Variants in CCDC60 observed in about 807,000 individuals in gnomAD.
The protein encoded by CCDC60 is coiled-coil domain-containing protein 60.
Under a neutral mutation model 63.5 loss-of-function variants are expected in CCDC60, and 54 were observed. That is an observed-to-expected ratio of 0.85 (90% confidence interval 0.68 to 1.07). The LOEUF is 1.07. CCDC60 is among the 50% of genes least tolerant of loss of function. The pLI, the probability that CCDC60 is intolerant of heterozygous loss-of-function variation, is 0.00. For synonymous variants in CCDC60, 206 were observed against 238.8 expected (o/e 0.86, Z 1.27); for missense variants, 651 against 684.3 (o/e 0.95, Z 0.54).
chr12:119,509,061 C>G (rs1360101785), intron 7 of CCDC60, among the ~76,000 whole-genome samples: 1 of 151,988 alleles, frequency 6.6e-6, no homozygotes, highest in Non-Finnish European at 1.5e-5. Flanking sequence ...AGGCATGTCC[C>G]CAGTGGCCAC....
At chr12:119,397,497 C>T (rs2136212311) in intron 1 of CCDC60, among the ~76,000 whole-genome samples, 1 of 151,812 alleles carries the variant, frequency 6.6e-6, no homozygotes, top group East Asian at 2.0e-4. Flanking sequence ...AAAAGTTCTC[C>T]AAGTCCTCAC....
At chr12:119,440,144 G>C (rs1007123834) in intron 2 of CCDC60, among the ~76,000 whole-genome samples, 39 of 152,212 alleles carry the variant, frequency 2.6e-4, no homozygotes, top group Admixed American at 2.2e-3. Flanking sequence ...CAGGTTGATA[G>C]GTGCAGCAAA....
chr12:119,384,551 C>A (rs1406690043), intron 1 of CCDC60, among the ~76,000 whole-genome samples: 1 of 152,212 alleles, frequency 6.6e-6, no homozygotes, highest in Non-Finnish European at 1.5e-5. Context: ...CATCACAGTT[C>A]AGGGAGCCGG....
intron 2 of CCDC60, among the ~76,000 whole-genome samples, chr12:119,466,243 T>G (rs1383537196): frequency 6.6e-6 from 1 of 152,188 alleles, no homozygotes; most frequent in Admixed American, 6.5e-5. Context: ...TCCATAGCAG[T>G]TGGCACTTTG....
chr12:119,523,296 T>C (rs1449580805), intron 10 of CCDC60, among the ~76,000 whole-genome samples: 2 of 152,218 alleles, frequency 1.3e-5, no homozygotes, highest in Non-Finnish European at 2.9e-5. Context: ...GACTAACCCA[T>C]CTTACAAAGG....
chr12:119,511,815 G>A (rs190064503), intron 7 of CCDC60, among the ~76,000 whole-genome samples: 1 of 152,308 alleles, frequency 6.6e-6, no homozygotes, highest in Non-Finnish European at 1.5e-5. Flanking sequence ...AGGAGTGGTA[G>A]AGCAGTCAGA....
intron 1 of CCDC60, among the ~76,000 whole-genome samples, chr12:119,354,010 C>T (rs1028637158): frequency 1.3e-5 from 2 of 151,752 alleles, no homozygotes; most frequent in African/African-American, 4.8e-5. Context: ...GTCTTTCTCA[C>T]TCTCTCTCAC....
At chr12:119,406,192 G>T (rs11064780) in intron 1 of CCDC60, among the ~76,000 whole-genome samples, 21,335 of 142,732 alleles carry the variant, frequency 0.15, 1,858 homozygotes, top group South Asian at 0.32. Context: ...TATATATATA[G>T]ATATATATAT....
chr12:119,526,744 T>G (rs1176332739), intron 11 of CCDC60, among the ~76,000 whole-genome samples: 1 of 152,112 alleles, frequency 6.6e-6, no homozygotes, highest in Non-Finnish European at 1.5e-5. Context: ...TGACTATTAT[T>G]AAAAAGTCAA....
At chr12:119,482,041 G>GTA (rs200469317) in intron 4 of CCDC60, among the ~76,000 whole-genome samples, 1,158 of 104,326 alleles carry the variant, frequency 0.011, 16 homozygotes, top group African/African-American at 0.045. Context: ...GTATATATAT[G>GTA]TATATATATG....
intron 1 of CCDC60, among the ~76,000 whole-genome samples, chr12:119,339,114 C>T (rs1158460606): frequency 6.6e-6 from 1 of 152,074 alleles, no homozygotes; most frequent in African/African-American, 2.4e-5. Context: ...CCCTAATCTG[C>T]TTAGGGAGTC....
intron 1 of CCDC60, among the ~76,000 whole-genome samples, chr12:119,384,938 G>A (rs79571421): frequency 1.7e-5 from 2 of 118,360 alleles, no homozygotes; most frequent in Non-Finnish European, 4.2e-5. Context: ...AACATTGAGT[G>A]GGGGGGCTGA....
chr12:119,516,735 T>C, intron 8 of CCDC60, 28 bp downstream of exon 8: 1 of 1,491,634 alleles, frequency 6.7e-7, no homozygotes, highest in Non-Finnish European at 9.3e-7. Context: ...CTGGGGCAAA[T>C]AAAGCTTAGA....
intron 1 of CCDC60, among the ~76,000 whole-genome samples, chr12:119,412,064 T>G (rs1347919319): frequency 1.3e-5 from 2 of 152,162 alleles, no homozygotes; most frequent in Non-Finnish European, 2.9e-5. Flanking sequence ...TGCCCCTCAC[T>G]GAGCCTCAAA....
chr12:119,530,752 T>C lies in CCDC60; in HGVS notation c.1362-122T>C, dbSNP rs1952818295. The C allele has an allele frequency of 1.9e-5, 14 of 747,628 alleles. No homozygotes were observed. In the South Asian group the frequency reaches 3.2e-4, roughly 17 times the overall value. 46.3% of individuals were successfully genotyped at this position (747,628 alleles called of 1,614,324 possible). A position where few individuals can be genotyped will look rare whatever the true frequency, so the allele number is the denominator to read the frequency against. ...GGGTCACAGAGGAAAGGTCCCTAGA[T>C]AAAGAATACTGCTGCCCTGGAGACA... On this transcript the variant is annotated intron_variant, in intron 12 of 13. Coordinates refer to ENST00000327554, the MANE Select transcript of CCDC60 (RefSeq NM_178499.5).
At chr12:119,508,655 C>A (rs1952123629) in intron 7 of CCDC60, among the ~76,000 whole-genome samples, 3 of 152,096 alleles carry the variant, frequency 2.0e-5, no homozygotes, top group Admixed American at 6.6e-5. Context: ...ACCTGAAGAC[C>A]TGAAGCTGAG....
intron 2 of CCDC60, chr12:119,429,038 C>A: frequency 3.1e-6 from 1 of 326,618 alleles, no homozygotes; most frequent in Non-Finnish European, 5.6e-6. Flanking sequence ...AGAGTGTCCC[C>A]ATGCTCCAGA....
At chr12:119,336,354 T>C (rs1179304236) in intron 1 of CCDC60, among the ~76,000 whole-genome samples, 1 of 152,198 alleles carries the variant, frequency 6.6e-6, no homozygotes, top group Non-Finnish European at 1.5e-5. Flanking sequence ...CAATGGCTGG[T>C]TTCTCTTAAA....
chr12:119,504,761 T>C (rs1481519287), intron 6 of CCDC60, among the ~76,000 whole-genome samples: 1 of 152,224 alleles, frequency 6.6e-6, no homozygotes, highest in African/African-American at 2.4e-5. Context: ...GACATCATCA[T>C]GGAAAACACG....
Sources: allele counts gnomAD v4.1 joint callset (sites outside exome capture counted in the v4.1 genomes callset), GRCh38; gene constraint gnomAD v4.1.1; transcripts MANE v1.5; gene names NCBI Gene and HGNC (gene_info 2026-07-23, HGNC 2026-07-21).